ADRA1B: variants seen among roughly 807,000 people sequenced by gnomAD.
ADRA1B encodes alpha-1B adrenergic receptor.
ADRA1B carries 17 observed loss-of-function variants against 17.9 expected under a neutral mutation model. That is an observed-to-expected ratio of 0.95 (90% CI 0.65 to 1.42). ADRA1B has a LOEUF of 1.42. Among genes scored for constraint, ADRA1B ranks in the 40% most tolerant of loss-of-function variants. The pLI is 0.00. For missense variants in ADRA1B, 681 were observed against 722.1 expected, an observed-to-expected ratio of 0.94 and a Z score of 0.65; for synonymous variants, 366 against 327.6, an observed-to-expected ratio of 1.12 and a Z score of -1.27.
rs753401537 is a variant in ADRA1B at position 159,972,028 on chromosome 5, TGCCGCGGCCGCGGCCGCCGCCGACGCC to T, written c.1105_1131del (p.Gly369_Arg377del). ...TTTCGTGCGCATCCTCGGGTGCCAG[TGCCGCGGCCGCGGCCGCCGCCGACGCC>T]GCCGCCGCCGTCGCCTGGGCGGCTG... On this transcript the variant is annotated inframe_deletion, in exon 2 of 2. Transcript: ENST00000306675. 7.5e-7 allele frequency: 1 copy of T among 1,325,400 alleles called. No individual in the cohort carries two copies. The highest frequency in any genetic ancestry group is 2.8e-5 in the Admixed American group (1 of 35,826). 82.1% of individuals were successfully genotyped at this position (1,325,400 alleles called of 1,614,324 possible).
intron 1 of ADRA1B, among the ~76,000 whole-genome samples, chr5:159,890,336 C>A (rs1753969101): frequency 6.6e-6 from 1 of 152,166 alleles, no homozygotes; most frequent in Non-Finnish European, 1.5e-5. Context: ...AGGATACTTG[C>A]CCTGCTCCTC....
At chr5:159,944,741 C>G (rs1214572864) in intron 1 of ADRA1B, among the ~76,000 whole-genome samples, 1 of 149,818 alleles carries the variant, frequency 6.7e-6, no homozygotes, top group East Asian at 1.9e-4. Context: ...TTGTTATTAG[C>G]CTAAATTTAC....
At chr5:159,951,193 GA>G (rs1755429621) in intron 1 of ADRA1B, 1 of 773,842 alleles carries the variant, frequency 1.3e-6, no homozygotes, top group Non-Finnish European at 2.3e-6. Context: ...TCTCCATGGT[GA>G]AAGACGCTGG....
chr5:159,888,683 C>G (rs1753952260), intron 1 of ADRA1B, among the ~76,000 whole-genome samples: 1 of 152,114 alleles, frequency 6.6e-6, no homozygotes, highest in African/African-American at 2.4e-5. Flanking sequence ...AGGGCTGGAA[C>G]AAAGATGAGA....
chr5:159,899,184 GAAAAGAAAAGA>G (rs1754068613), intron 1 of ADRA1B, among the ~76,000 whole-genome samples: 1 of 137,138 alleles, frequency 7.3e-6, no homozygotes, highest in African/African-American at 2.7e-5. Context: ...AAGAAAAAAA[GAAAAGAAAAGA>G]AAGAATGGAA....
chr5:159,966,961 C>A (rs1031478224), intron 1 of ADRA1B, among the ~76,000 whole-genome samples: 1 of 152,094 alleles, frequency 6.6e-6, no homozygotes, highest in African/African-American at 2.4e-5. Context: ...AATAGCACCA[C>A]GTACTTTGAC....
At chr5:159,891,872 T>A (rs1431421938) in intron 1 of ADRA1B, among the ~76,000 whole-genome samples, 1 of 152,084 alleles carries the variant, frequency 6.6e-6, no homozygotes, top group African/African-American at 2.4e-5. Context: ...AGAACAGGAG[T>A]AACTCGCACC....
At chr5:159,971,836 A>C (rs757983279) in intron 1 of ADRA1B, 43 bp from the exon 2 acceptor site, 2 of 1,307,152 alleles carry the variant, frequency 1.5e-6, no homozygotes, top group Middle Eastern at 2.0e-4. Flanking sequence ...CTACTCACAA[A>C]TTGCTGTCTT....
At chr5:159,970,908 G>C (rs753378720) in intron 1 of ADRA1B, among the ~76,000 whole-genome samples, 20 of 152,128 alleles carry the variant, frequency 1.3e-4, no homozygotes, top group Non-Finnish European at 2.5e-4. Context: ...GGGCTCAAGG[G>C]ATCCTCCTGC....
At position 159,971,860 on chromosome 5, in the gene ADRA1B, A is replaced by AC. The variant is rs770072501; in HGVS notation, c.950-13dup. 47 of 317,210 alleles carry AC rather than the reference A, an allele frequency of 1.5e-4. No individual in the cohort carries two copies. Among genetic ancestry groups the AC allele is most frequent in the Non-Finnish European group, 2.4e-4 (44 of 185,696 alleles). The allele number at this position is 317,210 out of a possible 1,614,324, so 19.6% of individuals were successfully genotyped here. ...AATTGCTGTCTTTCTGCCCGTGCCC[A>AC]CCCCCCTCCCCACTGCAGGCTCCTT... On this transcript the variant is annotated intron_variant, in intron 1 of 1. Coordinates refer to ENST00000306675, the MANE Select transcript of ADRA1B (RefSeq NM_000679.4).
rs930651131 is a variant in ADRA1B at position 159,972,385 on chromosome 5, G to A, written c.1456G>A (p.Gly486Arg). 2.0e-6 allele frequency: 3 copies of A among 1,512,376 alleles called. No individual in the cohort carries two copies. The African/African-American group carries it at 4.3e-5, about 21-fold the overall frequency. The allele number at this position is 1,512,376 out of a possible 1,614,324, so 93.7% of individuals were successfully genotyped here. Residue 486 changes from glycine to arginine, a missense_variant, in exon 2 of 2, where the codon GGG becomes AGG. Physicochemically the swap from Gly to Arg is moderately radical, Grantham distance 125. Transcript: ENST00000306675. ...GCTCCTGACCGAGCCCGAGAGCCCC[G>A]GGACCGACGGCGGCGCCAGCAACGG... ...FKLLTEPESP[G>R]TDGGASNGGC...
chr5:159,944,273 T>G (rs1472276477), intron 1 of ADRA1B, among the ~76,000 whole-genome samples: 1 of 152,218 alleles, frequency 6.6e-6, no homozygotes, highest in South Asian at 2.1e-4. Flanking sequence ...CGCTGGCCAC[T>G]GGCTCCTGGC....
At chr5:159,971,188 CCTG>C (rs1755858499) in intron 1 of ADRA1B, among the ~76,000 whole-genome samples, 1 of 152,168 alleles carries the variant, frequency 6.6e-6, no homozygotes, top group Admixed American at 6.5e-5. Context: ...TTGTAAATTT[CCTG>C]CTACTTTCCA....
intron 1 of ADRA1B, among the ~76,000 whole-genome samples, chr5:159,882,049 G>A (rs936339400): frequency 3.9e-5 from 6 of 152,130 alleles, no homozygotes; most frequent in Non-Finnish European, 1.5e-5. Flanking sequence ...ATCTGCAAGC[G>A]CTGAACACAA....
chr5:159,943,878 A>G (rs559133158), intron 1 of ADRA1B, among the ~76,000 whole-genome samples: 1 of 150,588 alleles, frequency 6.6e-6, no homozygotes, highest in African/African-American at 2.4e-5. Flanking sequence ...GACTACCACA[A>G]TTGGCTCTCA....
Position 159,953,571 on chromosome 5 carries a change from G to A in ADRA1B, c.950-18308G>A, listed in dbSNP as rs556843637. 6.6e-5 allele frequency among the ~76,000 whole-genome samples: 10 copies of A among 152,232 alleles called. No homozygotes were observed. The East Asian group carries it at 1.2e-3, about 18-fold the overall frequency. On this transcript the variant is annotated intron_variant, in intron 1 of 1. Transcript: ENST00000306675. ...GTGGAAGGGCCAGTAGCTCTGGGTC[G>A]GGCCTCAAATTGAAGCCTGTCTCTA... is the stretch of plus-strand genomic sequence containing the variant.
chr5:159,958,177 C>T (rs879450218), intron 1 of ADRA1B, among the ~76,000 whole-genome samples: 1 of 152,008 alleles, frequency 6.6e-6, no homozygotes, highest in Admixed American at 6.6e-5. Flanking sequence ...TCTTCTAATA[C>T]TTTAACAATT....
downstream of ADRA1B, among the ~76,000 whole-genome samples, chr5:159,975,044 C>T (rs536084528): frequency 1.3e-5 from 2 of 152,278 alleles, no homozygotes; most frequent in South Asian, 4.1e-4. Flanking sequence ...CCTCTTCTTG[C>T]CTGAATAGAG....
chr5:159,972,551 GGCGGGGCGGAGGGGGGAGGGGAGC>G lies in ADRA1B; in HGVS notation c.*61_*84del, dbSNP rs1755901939. On this transcript the variant is annotated 3_prime_UTR_variant, in exon 2 of 2. Transcript: ENST00000306675. The stretch of plus-strand genomic sequence containing the variant: ...GAAAACATCGTGGGGGGGAGGGGAG[GGCGGGGCGGAGGGGGGAGGGGAGC>G]GTCCACGCCGGGTAGACGCGCGCCC... 1.4e-6 allele frequency: 1 copy of G among 692,426 alleles called. No individual in the cohort carries two copies. The highest frequency in any genetic ancestry group is 2.0e-6 in the Non-Finnish European group (1 of 492,456). The allele number at this position is 692,426 out of a possible 1,614,324, so 42.9% of individuals were successfully genotyped here.
Sources: allele counts gnomAD v4.1 joint callset (sites outside exome capture counted in the v4.1 genomes callset), GRCh38; gene constraint gnomAD v4.1.1; transcripts MANE v1.5; gene names NCBI Gene and HGNC (gene_info 2026-07-23, HGNC 2026-07-21).